Variants in ARPC1B observed in about 807,000 individuals in gnomAD.
ARPC1B encodes actin-related protein 2/3 complex subunit 1B.
A neutral mutation model predicts 46.0 loss-of-function variants in ARPC1B; 29 were observed. That is an observed-to-expected ratio of 0.63 (90% CI 0.47 to 0.86). ARPC1B has a LOEUF of 0.86. Among genes scored for constraint, ARPC1B ranks in the 40% least tolerant of loss-of-function variants. The probability of loss-of-function intolerance (pLI) is 0.00; values close to 1 mark genes in which losing one functional copy is unlikely to be tolerated. For synonymous variants in ARPC1B, 201 were observed against 213.9 expected, an observed-to-expected ratio of 0.94 and a Z score of 0.53; for missense variants, 469 against 529.4, an observed-to-expected ratio of 0.89 and a Z score of 1.12.
intron 1 of ARPC1B, among the ~76,000 whole-genome samples, chr7:99,382,489 AT>A (rs1226466811): frequency 3.3e-5 from 5 of 151,738 alleles, no homozygotes; most frequent in Admixed American, 6.6e-5. Context: ...TAGTTAATAC[AT>A]TTTATTTTAG....
Position 99,388,187 on chromosome 7 carries a change from C to A in ARPC1B, c.318C>A (p.Pro106=). 1 of 1,614,256 alleles carries A rather than the reference C, an allele frequency of 6.2e-7. No homozygotes were observed. The change falls in exon 4 of 10, where the codon CCC becomes CCA. Residue 106 remains proline, a synonymous_variant. Transcript: ENST00000646101. The part of the protein sequence containing the change: ...NRAARCVRWA[P]NENKFAVGSG... ...CTGCCCGCTGCGTGCGCTGGGCCCC[C>A]AACGAGAACAAGTTTGCTGTGGGCA...
intron 4 of ARPC1B, 58 bp from the exon 5 acceptor site, chr7:99,389,847 G>A: frequency 7.0e-7 from 1 of 1,434,540 alleles, no homozygotes; most frequent in South Asian, 1.2e-5. Context: ...TGGTGCTGAG[G>A]TCCATGAGTC....
intron 4 of ARPC1B, 199 bp from the exon 5 acceptor site, chr7:99,389,706 C>CG: frequency 1.7e-6 from 1 of 581,184 alleles, no homozygotes; most frequent in Admixed American, 3.0e-5. Context: ...GCACAGAGTT[C>CG]CCACTCCAGA....
At chr7:99,387,091 A>G (rs538295997) in intron 3 of ARPC1B, among the ~76,000 whole-genome samples, 3 of 152,288 alleles carry the variant, frequency 2.0e-5, no homozygotes, top group East Asian at 1.9e-4. Flanking sequence ...ACACTCCCTC[A>G]TAAGCTCTAG....
rs1794473177 is a variant in ARPC1B, at chr7:99,388,529, G to A, written c.392+268G>A. ...ACACATTAGTCCTGACTTCCCTGCA[G>A]CTCCGTGGACTGGGCATCGGTCACT... is the stretch of plus-strand genomic sequence containing the variant. On this transcript the variant is annotated intron_variant, in intron 4 of 9. Transcript: ENST00000646101. 1.3e-5 allele frequency: 6 copies of A among 462,220 alleles called. No homozygotes were observed. The South Asian group carries it at 1.8e-4, about 14-fold the overall frequency. The allele number at this position is 462,220 out of a possible 1,614,324, so 28.6% of individuals were successfully genotyped here. A position where few individuals can be genotyped will look rare whatever the true frequency, so the allele number is the denominator to read the frequency against.
intron 3 of ARPC1B, among the ~76,000 whole-genome samples, chr7:99,387,799 C>A (rs564358510): frequency 6.7e-6 from 1 of 149,908 alleles, no homozygotes; most frequent in Non-Finnish European, 1.5e-5. Flanking sequence ...ACTCAGGAGG[C>A]TGAGGCACGA....
At position 99,391,241 on chromosome 7, in the gene ARPC1B, C is replaced by G. The variant is rs944457556; in HGVS notation, c.771C>G (p.Ser257Arg). ...CGCTGACCTTCATCACAGACAACAG[C>G]CTGGTGGCAGCGGTGAGGAATAGGG... ...LLALTFITDN[S>R]LVAAGHDCFP... The change falls in exon 7 of 10, where the codon AGC becomes AGG. Residue 257 changes from serine (S) to arginine (R), a missense_variant. Ser to Arg is a moderately radical substitution (Grantham distance 110). Coordinates refer to ENST00000646101, the MANE Select transcript of ARPC1B (RefSeq NM_005720.4). 6.2e-7 allele frequency: 1 copy of G among 1,614,012 alleles called. No individual in the cohort carries two copies. The highest frequency in any genetic ancestry group is 1.3e-5 in the African/African-American group (1 of 75,030).
In ARPC1B at chr7:99,391,185, ACT is replaced by A. The variant is rs1298358727; in HGVS notation, c.718_719del (p.Leu240GlyfsTer3). 1.9e-6 allele frequency: 3 copies of A among 1,613,624 alleles called. No homozygotes were observed. In the Admixed American group the frequency reaches 5.0e-5, roughly 27 times the overall value. On this transcript the variant is annotated frameshift_variant, in exon 7 of 10. Transcript: ENST00000646101. LOFTEE classifies it high-confidence loss of function. ...ADADKKMAVA[T>X]LASETLPLLA... ...ACAGCTCTCTCCCCTCAGCGTCGCG[ACT>A]CTGGCCTCTGAAACACTACCACTGC...
At chr7:99,385,132 T>C (rs1794346686) in intron 1 of ARPC1B, among the ~76,000 whole-genome samples, 1 of 151,680 alleles carries the variant, frequency 6.6e-6, no homozygotes. Flanking sequence ...TTTTTTGTAG[T>C]TTTAGTAAAG....
chr7:99,386,888 C>A, intron 3 of ARPC1B, 99 bp downstream of exon 3: 1 of 888,274 alleles, frequency 1.1e-6, no homozygotes, highest in East Asian at 2.4e-5. Context: ...AGCATCTGCC[C>A]ACTCACCGTG....
intron 1 of ARPC1B, among the ~76,000 whole-genome samples, chr7:99,378,779 T>TTC: frequency 7.6e-6 from 1 of 131,944 alleles, no homozygotes; most frequent in African/African-American, 3.2e-5. Flanking sequence ...TTTTTCTTTT[T>TTC]TTTTTTTTTT....
chr7:99,393,074 G>T (rs1387704568), intron 8 of ARPC1B, among the ~76,000 whole-genome samples, 198 bp downstream of exon 8: 3 of 152,092 alleles, frequency 2.0e-5, no homozygotes, highest in Non-Finnish European at 2.9e-5. Flanking sequence ...GCCCGGACAC[G>T]AGGGGACGGG....
chr7:99,379,418 T>C (rs1562810555), intron 1 of ARPC1B, among the ~76,000 whole-genome samples: 1 of 152,140 alleles, frequency 6.6e-6, no homozygotes, highest in Non-Finnish European at 1.5e-5. Flanking sequence ...ACGGTGCAAA[T>C]TAGCCTGCTG....
intron 1 of ARPC1B, among the ~76,000 whole-genome samples, chr7:99,375,575 C>CT (rs76499500): frequency 0.01 from 1,530 of 152,156 alleles, 22 homozygotes; most frequent in African/African-American, 0.034. Context: ...GAGTGCAAGC[C>CT]TGGGGAGTCA....
chr7:99,375,360 C>T (rs899428708), intron 1 of ARPC1B, among the ~76,000 whole-genome samples: 4 of 152,180 alleles, frequency 2.6e-5, no homozygotes, highest in Non-Finnish European at 4.4e-5. Context: ...GCTGCTCCCA[C>T]CCGCCTCCCC....
intron 1 of ARPC1B, among the ~76,000 whole-genome samples, chr7:99,382,841 C>G (rs1794268974): frequency 1.4e-5 from 2 of 141,572 alleles, no homozygotes; most frequent in South Asian, 4.5e-4. Context: ...TCATTCCTAA[C>G]CTTTTTTTTT....
intron 8 of ARPC1B, among the ~76,000 whole-genome samples, chr7:99,393,424 C>T (rs1449209522): frequency 6.6e-6 from 1 of 152,094 alleles, no homozygotes; most frequent in East Asian, 1.9e-4. Flanking sequence ...GGTGGCCAGG[C>T]AGTGACCAGC....
At position 99,385,730 on chromosome 7, in the gene ARPC1B, T is replaced by A; in HGVS notation, c.16T>A (p.Phe6Ile). The part of the protein sequence containing the change: MAYHS[F>I]LVEPISCHAW... ...CCAAGCCGCCATGGCCTACCACAGC[T>A]TCCTGGTGGAGCCCATCAGCTGCCA... The change falls in exon 2 of 10, where the codon TTC becomes ATC. Residue 6 changes from phenylalanine (F) to isoleucine (I), a missense_variant. By Grantham distance (21) the Phe-to-Ile change is conservative (BLOSUM62 0). Coordinates refer to ENST00000646101, the MANE Select transcript of ARPC1B (RefSeq NM_005720.4). 1 of 1,611,226 alleles carries A rather than the reference T, an allele frequency of 6.2e-7. No homozygotes were observed. The highest frequency in any genetic ancestry group is 8.5e-7 in the Non-Finnish European group (1 of 1,179,506).
chr7:99,385,555 G>A (rs1794364743), intron 1 of ARPC1B, 147 bp from the exon 2 acceptor site: 1 of 671,926 alleles, frequency 1.5e-6, no homozygotes, highest in South Asian at 1.8e-5. Flanking sequence ...GCTGGCCCCT[G>A]CTGCTCCTCT....
Sources: allele counts gnomAD v4.1 joint callset (sites outside exome capture counted in the v4.1 genomes callset), GRCh38; gene constraint gnomAD v4.1.1; transcripts MANE v1.5; gene names NCBI Gene and HGNC (gene_info 2026-07-23, HGNC 2026-07-21).